Variants in FHAD1 observed in about 807,000 individuals in gnomAD.
FHAD1 encodes the protein forkhead associated phosphopeptide binding domain 1.
A neutral mutation model predicts 191.3 loss-of-function variants in FHAD1; 146 were observed. The observed-to-expected ratio is 0.76, with a 90% confidence interval of 0.67 to 0.88. FHAD1 has a LOEUF of 0.88. Among genes scored for constraint, FHAD1 ranks in the 40% least tolerant of loss-of-function variants. FHAD1 has a pLI of 0.00. For missense variants in FHAD1, 1,635 were observed against 1,785.8 expected (o/e 0.92, Z 1.52); for synonymous variants, 616 against 672.3 (o/e 0.92, Z 1.29).
chr1:15,368,081 C>T (rs1697035098), intron 25 of FHAD1, among the ~76,000 whole-genome samples: 1 of 152,232 alleles, frequency 6.6e-6, no homozygotes, highest in South Asian at 2.1e-4. Flanking sequence ...AAGCCATTCT[C>T]TTGCCTCAGC....
rs12126178 is a variant in FHAD1 at position 15,341,823 on chromosome 1, G to A, written c.2065G>A (p.Glu689Lys). Residue 689 changes from glutamate to lysine, a missense_variant, in exon 16 of 34, where the codon GAG becomes AAG. Coordinates refer to ENST00000688493, the MANE Select transcript of FHAD1 (RefSeq NM_001391957.1). ...TCTGGCAGAGAAGGAGAAGCTGAAC[G>A]AGGAGAGGCTAGAGCAAGAGGAGAA... The part of the protein sequence containing the change: ...EHLAEKEKLN[E>K]ERLEQEEKLK... The A allele has an allele frequency of 0.062, 96,480 of 1,551,504 alleles. 3,419 individuals carry two copies. Among genetic ancestry groups the A allele is most frequent in the African/African-American group, 0.11 (8,279 of 73,136 alleles).
chr1:15,365,847 A>C lies in FHAD1; in HGVS notation c.3068A>C (p.Gln1023Pro). The change falls in exon 24 of 34, where the codon CAG becomes CCG. Residue 1023 changes from glutamine to proline, a missense_variant. Coordinates refer to ENST00000688493, the MANE Select transcript of FHAD1 (RefSeq NM_001391957.1). ...EHLIDDLLAA[Q>P]KEILSQQEVI... is the part of the protein sequence containing the mutation. ...TTCAGAGATGACTTATTGGCTGCTC[A>C]GAAGGAAATTCTGTCTCAGCAGGAA... The C allele has an allele frequency of 6.4e-7, 1 of 1,551,362 alleles. No homozygotes were observed. The highest frequency in any genetic ancestry group is 8.7e-7 in the Non-Finnish European group (1 of 1,146,678).
chr1:15,359,541 T>C (rs1693994448), intron 21 of FHAD1, among the ~76,000 whole-genome samples: 2 of 152,020 alleles, frequency 1.3e-5, no homozygotes, highest in South Asian at 4.2e-4. Context: ...TTAGTAATTT[T>C]TTGTTTTTAA....
At position 15,339,529 on chromosome 1, in the gene FHAD1, T is replaced by A. The variant is rs188522007; in HGVS notation, c.1955T>A (p.Met652Lys). ...IYLLEHYKKL[M>K]SQAQELQIKF... Reference sequence around the variant, plus strand: ...CTTCTGGAACATTATAAAAAACTTATGAGCCAGGCCCAGGAACTTCAGGTA... The same window carrying A: ...CTTCTGGAACATTATAAAAAACTTAAGAGCCAGGCCCAGGAACTTCAGGTA... Residue 652 changes from methionine (M) to lysine (K), a missense_variant, in exon 15 of 34, where the codon ATG becomes AAG. Coordinates refer to ENST00000688493, the MANE Select transcript of FHAD1 (RefSeq NM_001391957.1). The A allele has an allele frequency of 8.5e-6, 11 of 1,288,364 alleles. No individual in the cohort carries two copies. The highest frequency in any genetic ancestry group is 1.1e-5 in the Non-Finnish European group (11 of 979,752). 79.8% of individuals were successfully genotyped at this position (1,288,364 alleles called of 1,614,324 possible).
chr1:15,295,052 C>G (rs771497928), intron 4 of FHAD1, among the ~76,000 whole-genome samples: 18 of 152,166 alleles, frequency 1.2e-4, no homozygotes, highest in Non-Finnish European at 5.9e-5. Context: ...GACCCTAACA[C>G]TGGTATCCTA....
At chr1:15,337,283 G>C (rs1245115380) in intron 14 of FHAD1, among the ~76,000 whole-genome samples, 1 of 152,158 alleles carries the variant, frequency 6.6e-6, no homozygotes, top group African/African-American at 2.4e-5. Context: ...AAACAGCCTG[G>C]GGGCTCCTTC....
intron 18 of FHAD1, among the ~76,000 whole-genome samples, chr1:15,347,126 A>G (rs948018822): frequency 6.6e-6 from 1 of 152,232 alleles, no homozygotes; most frequent in Non-Finnish European, 1.5e-5. Context: ...TCTCTGGCAC[A>G]GGTGTGCCCT....
chr1:15,316,261 A>G lies in FHAD1; in HGVS notation c.1171-117A>G. The G allele has an allele frequency of 3.8e-6, 3 of 780,056 alleles. No homozygotes were observed. Among genetic ancestry groups the G allele is most frequent in the Non-Finnish European group, 6.3e-6 (3 of 473,376 alleles). The allele number at this position is 780,056 out of a possible 1,614,324, so 48.3% of individuals were successfully genotyped here. ...TTTTGGGATCTCAGTGCGTGACTGG[A>G]TGGAAACAGCAGGAAATGCTCTCAG... On this transcript the variant is annotated intron_variant, in intron 8 of 33. Transcript: ENST00000688493. This position sits in a 1 kb window ranked among gnomAD's most constrained non-coding sequence, Gnocchi z 4.3.
At chr1:15,330,375 G>T (rs1680723054) in intron 14 of FHAD1, among the ~76,000 whole-genome samples, 1 of 152,196 alleles carries the variant, frequency 6.6e-6, no homozygotes, top group African/African-American at 2.4e-5. Flanking sequence ...GTTGTGCAGG[G>T]CAGAGACGTA....
intron 26 of FHAD1, among the ~76,000 whole-genome samples, chr1:15,373,343 T>C (rs559239744): frequency 1.8e-4 from 25 of 142,356 alleles, no homozygotes; most frequent in African/African-American, 7.7e-4. Flanking sequence ...ACCCCGTCTC[T>C]ACCAACAACA....
chr1:15,362,330 C>T (rs986007519), intron 22 of FHAD1, among the ~76,000 whole-genome samples: 4 of 152,202 alleles, frequency 2.6e-5, no homozygotes, highest in Admixed American at 2.6e-4. Context: ...GCGGTGGGAC[C>T]AGGGGCTGAG....
Position 15,260,922 on chromosome 1 carries a change from A to C in FHAD1, c.93+9045A>C, listed in dbSNP as rs74429989. 4.0e-4 allele frequency among the ~76,000 whole-genome samples: 61 copies of C among 152,298 alleles called. 1 individual carries two copies. In the East Asian group the frequency reaches 0.012, roughly 29 times the overall value. ...AGCAGCACACTCACGGGTTCCAGGG[A>C]TTAGGACACGGACACCTTTGTGGGA... On this transcript the variant is annotated intron_variant, in intron 2 of 33. Transcript: ENST00000688493.
intron 2 of FHAD1, among the ~76,000 whole-genome samples, chr1:15,263,768 G>T (rs1226368800): frequency 6.6e-6 from 1 of 152,152 alleles, no homozygotes; most frequent in African/African-American, 2.4e-5. Context: ...TGATCTGCCC[G>T]CCTCAGCCTC....
chr1:15,397,385 T>C lies in FHAD1; in HGVS notation c.4412T>C (p.Leu1471Ser). ...TCCAGCAAGTCCAGCCAGAGCCTTT[T>C]GCATTCTAAGCCCAGTGGAAAGTAC... Reference protein sequence around the residue: ...ETSSKSSQSLLHSKPSGKY With the variant: ...ETSSKSSQSLSHSKPSGKY The change falls in exon 34 of 34, where the codon TTG (leucine) becomes TCG (serine). Residue 1471 changes from leucine (L) to serine (S), a missense_variant. Transcript: ENST00000688493. 1.3e-6 allele frequency: 2 copies of C among 1,542,478 alleles called. No homozygotes were observed. The highest frequency in any genetic ancestry group is 2.4e-5 in the South Asian group (2 of 83,006).
intron 5 of FHAD1, among the ~76,000 whole-genome samples, chr1:15,297,345 T>A (rs2100800319): frequency 6.6e-6 from 1 of 152,356 alleles, no homozygotes; most frequent in South Asian, 2.1e-4. Flanking sequence ...TTTGCCTCAC[T>A]TAGCCACAAC....
chr1:15,327,152 C>T lies in FHAD1; in HGVS notation c.1557+10C>T, dbSNP rs1419672745. On this transcript the variant is annotated intron_variant, in intron 12 of 33. Coordinates refer to ENST00000688493, the MANE Select transcript of FHAD1 (RefSeq NM_001391957.1). The surrounding 1 kb of genome is among the most constrained non-coding windows in gnomAD (Gnocchi z 5.1). Reference sequence around the variant, plus strand: ...CGTCACCGACCAACAGGTTAGTCTGCCGTCCCTGCCACGTGGCTCCTTCAC... The same window carrying T: ...CGTCACCGACCAACAGGTTAGTCTGTCGTCCCTGCCACGTGGCTCCTTCAC... 6.5e-7 allele frequency: 1 copy of T among 1,540,706 alleles called. No homozygotes were observed. Among genetic ancestry groups the T allele is most frequent in the East Asian group, 2.5e-5 (1 of 40,788 alleles).
At chr1:15,281,109 G>C (rs1156855759) in intron 3 of FHAD1, among the ~76,000 whole-genome samples, 2 of 152,158 alleles carry the variant, frequency 1.3e-5, no homozygotes, top group East Asian at 3.8e-4. Flanking sequence ...GCCCCATTTT[G>C]AATCCTGGCA....
In FHAD1 at chr1:15,316,533, G is replaced by A; in HGVS notation, c.1260+66G>A. ...ACAGAGTTTGACCTTGAGGTTCTTG[G>A]TGGGATCCTGGGCCATCACTAAGCA... On this transcript the variant is annotated intron_variant, in intron 9 of 33. Coordinates refer to ENST00000688493, the MANE Select transcript of FHAD1 (RefSeq NM_001391957.1). This position sits in a 1 kb window ranked among gnomAD's most constrained non-coding sequence, Gnocchi z 4.3. 7.3e-7 allele frequency: 1 copy of A among 1,364,222 alleles called. No individual in the cohort carries two copies. The highest frequency in any genetic ancestry group is 1.0e-6 in the Non-Finnish European group (1 of 980,156). The allele number at this position is 1,364,222 out of a possible 1,614,324, so 84.5% of individuals were successfully genotyped here.
chr1:15,283,459 A>G (rs1376596631), intron 3 of FHAD1, among the ~76,000 whole-genome samples: 1 of 152,278 alleles, frequency 6.6e-6, no homozygotes, highest in Non-Finnish European at 1.5e-5. Context: ...CTGTAAGAGC[A>G]CAGATTATCA....
Sources: allele counts gnomAD v4.1 joint callset (sites outside exome capture counted in the v4.1 genomes callset), GRCh38; gene constraint gnomAD v4.1.1; non-coding constraint Gnocchi (gnomAD v3.1); transcripts MANE v1.5; gene names NCBI Gene and HGNC (gene_info 2026-07-23, HGNC 2026-07-21).